The following LRRC4C variants were observed in gnomAD, a reference collection of about 807,000 sequenced individuals.
LRRC4C encodes the protein leucine-rich repeat-containing protein 4C.
In LRRC4C, 5 loss-of-function variants were observed where a neutral mutation model predicts 33.6. The observed-to-expected ratio is 0.15, with a 90% CI of 0.08 to 0.31. The LOEUF (loss-of-function observed/expected upper bound fraction) is 0.31. Ranked by LOEUF, LRRC4C falls within the 10% of genes least tolerant of loss-of-function variation. The pLI, the probability that LRRC4C is intolerant of heterozygous loss-of-function variation, is 1.00. For missense variants in LRRC4C, 560 were observed against 796.7 expected (o/e 0.70, Z 3.58); for synonymous variants, 329 against 302.0 (o/e 1.09, Z -0.93).
intron 1 of LRRC4C, among the ~76,000 whole-genome samples, chr11:40,981,840 T>C (rs1349522172): frequency 6.6e-6 from 1 of 152,238 alleles, no homozygotes; most frequent in East Asian, 1.9e-4. Context: ...CACAGATAAG[T>C]AATGAGAATC....
chr11:40,620,675 T>C (rs1344217511), intron 3 of LRRC4C, among the ~76,000 whole-genome samples: 2 of 151,834 alleles, frequency 1.3e-5, no homozygotes, highest in Non-Finnish European at 2.9e-5. Context: ...AGAAGCCCCA[T>C]TCAAGCTGCT....
intron 1 of LRRC4C, among the ~76,000 whole-genome samples, chr11:40,944,660 A>C (rs2136635190): frequency 6.6e-6 from 1 of 152,292 alleles, no homozygotes. Flanking sequence ...GATTAGAAAC[A>C]GTAAGCTCCC....
chr11:40,213,287 T>C (rs1251640470), intron 5 of LRRC4C, among the ~76,000 whole-genome samples: 2 of 152,018 alleles, frequency 1.3e-5, no homozygotes, highest in Admixed American at 6.5e-5. Flanking sequence ...GATTTTGGTC[T>C]TCTTCTTCAT....
intron 1 of LRRC4C, among the ~76,000 whole-genome samples, chr11:41,082,685 T>C (rs1939668927): frequency 6.6e-6 from 1 of 152,204 alleles, no homozygotes; most frequent in Non-Finnish European, 1.5e-5. Context: ...GCTCTGCAAC[T>C]TGTGCTCTTA....
At chr11:41,221,418 T>C (rs1475676751) in intron 1 of LRRC4C, among the ~76,000 whole-genome samples, 3 of 152,120 alleles carry the variant, frequency 2.0e-5, no homozygotes, top group Non-Finnish European at 2.9e-5. Context: ...CTGGCAAGGT[T>C]GTAGAGAAAA....
chr11:41,028,337 T>C (rs1452464472), intron 1 of LRRC4C, among the ~76,000 whole-genome samples: 9 of 151,682 alleles, frequency 5.9e-5, no homozygotes, highest in Non-Finnish European at 1.0e-4. Flanking sequence ...GGTTTCAAAA[T>C]AGACTTTTGA....
intron 5 of LRRC4C, among the ~76,000 whole-genome samples, chr11:40,152,139 G>A (rs1315910043): frequency 6.6e-6 from 1 of 152,194 alleles, no homozygotes; most frequent in Non-Finnish European, 1.5e-5. Context: ...TGCCCCATCT[G>A]TGGAAGTAGG....
intron 2 of LRRC4C, among the ~76,000 whole-genome samples, chr11:40,785,789 C>T (rs1950388780): frequency 6.6e-6 from 1 of 152,108 alleles, no homozygotes; most frequent in Non-Finnish European, 1.5e-5. Flanking sequence ...AAATTGACCG[C>T]TCACTCCAAG....
At chr11:40,301,841 A>G (rs1199566984) in intron 4 of LRRC4C, among the ~76,000 whole-genome samples, 2 of 152,250 alleles carry the variant, frequency 1.3e-5, no homozygotes, top group Admixed American at 6.5e-5. Flanking sequence ...TTAAATGTCC[A>G]GGTCTCTAAT....
At chr11:40,146,979 A>G (rs1666356914) in intron 5 of LRRC4C, among the ~76,000 whole-genome samples, 1 of 152,176 alleles carries the variant, frequency 6.6e-6, no homozygotes, top group Admixed American at 6.6e-5. Context: ...AACTTTACTC[A>G]AAGTGGGCCC....
chr11:41,392,432 A>G (rs1210724478), intron 1 of LRRC4C, among the ~76,000 whole-genome samples: 1 of 151,736 alleles, frequency 6.6e-6, no homozygotes, highest in Non-Finnish European at 1.5e-5. Flanking sequence ...TCTGTAGAGG[A>G]CAACCACTGG....
chr11:40,183,606 C>T (rs539511109), intron 5 of LRRC4C, among the ~76,000 whole-genome samples: 5 of 152,314 alleles, frequency 3.3e-5, no homozygotes, highest in African/African-American at 9.6e-5. Context: ...ATAACATGAT[C>T]AAGCTAGGAT....
At chr11:40,693,025 A>T (rs1335295010) in intron 2 of LRRC4C, among the ~76,000 whole-genome samples, 2 of 152,110 alleles carry the variant, frequency 1.3e-5, no homozygotes, top group Non-Finnish European at 2.9e-5. Flanking sequence ...GTCATCTATA[A>T]TATCACAGCC....
At chr11:41,201,226 G>T (rs1159066780) in intron 1 of LRRC4C, among the ~76,000 whole-genome samples, 1 of 152,190 alleles carries the variant, frequency 6.6e-6, no homozygotes, top group African/African-American at 2.4e-5. Flanking sequence ...AGACTCTGAA[G>T]ATTTGACATG....
At chr11:40,644,923 G>C (rs375156630) in intron 3 of LRRC4C, among the ~76,000 whole-genome samples, 1 of 150,896 alleles carries the variant, frequency 6.6e-6, no homozygotes, top group Non-Finnish European at 1.5e-5. Flanking sequence ...TATAAAGGGG[G>C]AACAGGCACT....
At chr11:40,941,624 C>T (rs1958148939) in intron 1 of LRRC4C, among the ~76,000 whole-genome samples, 1 of 152,094 alleles carries the variant, frequency 6.6e-6, no homozygotes. Flanking sequence ...TTCCAGCTAT[C>T]TTCACATTGA....
intron 2 of LRRC4C, among the ~76,000 whole-genome samples, chr11:40,903,029 A>G (rs535466218): frequency 5.3e-5 from 8 of 152,316 alleles, no homozygotes; most frequent in East Asian, 1.9e-4. Context: ...TTATGTTGGA[A>G]GAAGATGCCA....
At chr11:40,399,642 C>T (rs1019260512) in intron 3 of LRRC4C, among the ~76,000 whole-genome samples, 6 of 151,846 alleles carry the variant, frequency 4.0e-5, no homozygotes, top group African/African-American at 1.5e-4. Flanking sequence ...ATGTAACTAA[C>T]CTGCACATTG....
intron 1 of LRRC4C, among the ~76,000 whole-genome samples, chr11:41,279,391 C>A (rs57733724): frequency 2.4e-4 from 20 of 84,418 alleles, no homozygotes; most frequent in African/African-American, 8.3e-4. Flanking sequence ...AACACACACA[C>A]ACACACACAC....
Sources: allele counts gnomAD v4.1 joint callset (sites outside exome capture counted in the v4.1 genomes callset), GRCh38; gene constraint gnomAD v4.1.1; transcripts MANE v1.5; gene names NCBI Gene and HGNC (gene_info 2026-07-23, HGNC 2026-07-21).